RNF125: variants seen among roughly 807,000 people sequenced by gnomAD.
RNF125 encodes the protein ring finger protein 125.
A neutral mutation model predicts 26.0 loss-of-function variants in RNF125; 21 were observed. That is an observed-to-expected ratio of 0.81 (90% CI 0.57 to 1.16). The LOEUF is 1.16. Ranked by LOEUF, RNF125 falls within the 50% of genes most tolerant of loss-of-function variation. The pLI, the probability that RNF125 is intolerant of heterozygous loss-of-function variation, is 0.00. For missense variants in RNF125, 270 were observed against 299.4 expected (o/e 0.90, Z 0.72); for synonymous variants, 95 against 109.2 (o/e 0.87, Z 0.81).
At chr18:32,050,871 T>C (rs1598820077) in intron 4 of RNF125, among the ~76,000 whole-genome samples, 1 of 76,986 alleles carries the variant, frequency 1.3e-5, no homozygotes, top group Non-Finnish European at 2.4e-5. Context: ...AGTGCTTTTT[T>C]TTTTTTTTTT....
intron 1 of RNF125, among the ~76,000 whole-genome samples, chr18:32,021,183 C>T (rs1418420153): frequency 2.0e-5 from 3 of 152,172 alleles, no homozygotes. Flanking sequence ...CGGGTTCACG[C>T]CATTCTCCTG....
At chr18:32,066,195 A>G in intron 5 of RNF125, 186 bp downstream of exon 5, 1 of 398,338 alleles carries the variant, frequency 2.5e-6, no homozygotes, top group Non-Finnish European at 4.6e-6. Flanking sequence ...CACGCCTGTA[A>G]TCCCAACACT....
chr18:32,051,791 G>A (rs976851131), intron 4 of RNF125, among the ~76,000 whole-genome samples: 1 of 149,888 alleles, frequency 6.7e-6, no homozygotes, highest in Non-Finnish European at 1.5e-5. Flanking sequence ...CCTGGTTCAA[G>A]CAATTCTCCT....
chr18:32,084,520 ATC>A, the RNF125 span, among the ~76,000 whole-genome samples: 20 of 152,310 alleles, frequency 1.3e-4, no homozygotes, highest in Admixed American at 5.9e-4. Flanking sequence ...CATTCCGAAT[ATC>A]TGTTTCATTG....
In RNF125 at chr18:32,062,430, T is replaced by C. The variant is rs114591267; in HGVS notation, c.505-3472T>C. Among the ~76,000 whole-genome samples the C allele has an allele frequency of 7.5e-3, 1,146 of 152,328 alleles. 25 individuals are homozygous for C. Among genetic ancestry groups the C allele is most frequent in the African/African-American group, 0.026 (1,101 of 41,562 alleles). ...TTAAATGCTGTCTTGGAATGACCAG[T>C]AGTGCCAATTAACCAAGAACATTAG... On this transcript the variant is annotated intron_variant, in intron 4 of 5. Transcript: ENST00000217740.
At chr18:32,046,465 T>C (rs543975934) in intron 4 of RNF125, among the ~76,000 whole-genome samples, 24 of 151,354 alleles carry the variant, frequency 1.6e-4, no homozygotes, top group Middle Eastern at 3.4e-3. Flanking sequence ...GGCGTGGTGG[T>C]GGGCGCCTGT....
At chr18:32,076,714 C>G (rs191344124), downstream of RNF125, among the ~76,000 whole-genome samples, 77 of 152,302 alleles carry the variant, frequency 5.1e-4, no homozygotes, top group Admixed American at 1.2e-3. Flanking sequence ...TCACTCCACT[C>G]TCTCCCTTGA....
At chr18:32,042,017 G>A (rs2039225378) in intron 2 of RNF125, 162 bp from the exon 3 acceptor site, 3 of 619,580 alleles carry the variant, frequency 4.8e-6, no homozygotes, top group Non-Finnish European at 8.6e-6. Flanking sequence ...TAGTATTCTT[G>A]ATAATGCCTT....
At chr18:32,030,075 C>T (rs896266544) in intron 1 of RNF125, among the ~76,000 whole-genome samples, 1 of 152,150 alleles carries the variant, frequency 6.6e-6, no homozygotes, top group East Asian at 1.9e-4. Context: ...GAGCCAGTCT[C>T]GCTCTGTCAC....
chr18:32,066,193 T>A, intron 5 of RNF125, 184 bp downstream of exon 5: 1 of 397,480 alleles, frequency 2.5e-6, no homozygotes, highest in Non-Finnish European at 4.7e-6. Flanking sequence ...CTCACGCCTG[T>A]AATCCCAACA....
At chr18:32,038,043 A>ATTTTTTTT (rs35226765) in intron 2 of RNF125, among the ~76,000 whole-genome samples, 3 of 103,396 alleles carry the variant, frequency 2.9e-5, no homozygotes, top group East Asian at 2.6e-4. Flanking sequence ...GGTCCGTGCC[A>ATTTTTTTT]TTTTTTTTTT....
intron 4 of RNF125, among the ~76,000 whole-genome samples, chr18:32,064,143 C>T (rs544810146): frequency 6.6e-6 from 1 of 151,998 alleles, no homozygotes; most frequent in South Asian, 2.1e-4. Context: ...TACAGGTGTG[C>T]ACCACCACGC....
chr18:32,076,288 A>G (rs28376309), downstream of RNF125: 2,568 of 336,650 alleles, frequency 7.6e-3, 70 homozygotes, highest in African/African-American at 0.052. Flanking sequence ...TGACATGGAA[A>G]GATTGTGGAA....
chr18:32,052,595 G>A (rs762315174), intron 4 of RNF125, among the ~76,000 whole-genome samples: 2 of 151,914 alleles, frequency 1.3e-5, no homozygotes, highest in Non-Finnish European at 2.9e-5. Context: ...TCTTCTTTGG[G>A]TATTGGATTG....
intron 1 of RNF125, among the ~76,000 whole-genome samples, chr18:32,019,627 C>A (rs1053039638): frequency 4.6e-5 from 7 of 152,062 alleles, no homozygotes; most frequent in East Asian, 1.9e-4. Flanking sequence ...AGACACCCAG[C>A]CCCTCAAAGG....
downstream of RNF125, among the ~76,000 whole-genome samples, chr18:32,074,798 C>T (rs1175204423): frequency 6.6e-6 from 1 of 152,194 alleles, no homozygotes. Context: ...CTGCCTTGGC[C>T]TCCCAAAGTG....
chr18:32,048,714 G>A (rs546792686), intron 4 of RNF125, among the ~76,000 whole-genome samples: 74 of 152,274 alleles, frequency 4.9e-4, no homozygotes, highest in African/African-American at 1.7e-3. Flanking sequence ...AATGGCCTAG[G>A]GAGTTGGCAA....
intron 4 of RNF125, among the ~76,000 whole-genome samples, chr18:32,050,974 C>A (rs543360049): frequency 4.1e-5 from 6 of 146,316 alleles, no homozygotes; most frequent in African/African-American, 1.5e-4. Flanking sequence ...CTGCTCTCCT[C>A]GGCCCCGCAA....
rs1286809301 is a variant in RNF125, at chr18:32,065,988, T to C, written c.591T>C (p.Thr197=). Residue 197 remains threonine, a synonymous_variant, in exon 5 of 6, where the codon ACT becomes ACC. Coordinates refer to ENST00000217740, the MANE Select transcript of RNF125 (RefSeq NM_017831.4). Reference sequence around the variant, plus strand: ...TAAGACATCTGCAAGTTAGTCACACTTTGTTTTATGATGATTTCATAGTAA... The same window carrying C: ...TAAGACATCTGCAAGTTAGTCACACCTTGTTTTATGATGATTTCATAGTAA... The part of the protein sequence containing the change: ...SLIRHLQVSH[T]LFYDDFIDFN... 1.2e-6 allele frequency: 2 copies of C among 1,603,790 alleles called. No homozygotes were observed. Among genetic ancestry groups the C allele is most frequent in the Admixed American group, 1.7e-5 (1 of 59,988 alleles).
Sources: gnomAD v4.1 joint callset for allele counts (sites outside exome capture counted in the v4.1 genomes callset) on GRCh38, gnomAD v4.1.1 for gene constraint, MANE v1.5 for transcripts, NCBI Gene and HGNC (gene_info 2026-07-23, HGNC 2026-07-21) for gene names.